FANCB: variants seen among roughly 807,000 people sequenced by gnomAD.
FANCB encodes the protein Fanconi anemia group B protein.
FANCB carries 5 observed loss-of-function variants against 38.9 expected under a neutral mutation model. The observed-to-expected ratio is 0.13, with a 90% CI of 0.07 to 0.27. The LOEUF (loss-of-function observed/expected upper bound fraction) is 0.27. Ranked by LOEUF, FANCB falls within the 10% of genes least tolerant of loss-of-function variation. The probability of loss-of-function intolerance (pLI) is 1.00; values close to 1 mark genes in which losing one functional copy is unlikely to be tolerated. For synonymous variants in FANCB, 236 were observed against 215.4 expected (o/e 1.10, Z -0.84); for missense variants, 573 against 602.7 (o/e 0.95, Z 0.52).
chrX:14,733,481 AT>A, the FANCB span, among the ~76,000 whole-genome samples: 1 of 112,056 alleles, frequency 8.9e-6, no homozygotes, highest in East Asian at 2.8e-4. Context: ...TTTTCATGAT[AT>A]TGACTCTTTC....
At chrX:14,807,441 A>G in the FANCB span, among the ~76,000 whole-genome samples, 5 of 112,579 alleles carry the variant, frequency 4.4e-5, no homozygotes, top group African/African-American at 1.6e-4. Flanking sequence ...GAAATTTGGG[A>G]GTTCAAGGAT....
At chrX:14,802,857 G>A in the FANCB span, among the ~76,000 whole-genome samples, 22 of 111,799 alleles carry the variant, frequency 2.0e-4, no homozygotes, top group African/African-American at 7.1e-4. Context: ...TGTGCCTATA[G>A]GATGTCCAGG....
At chrX:14,756,521 G>T in the FANCB span, among the ~76,000 whole-genome samples, 21 of 111,636 alleles carry the variant, frequency 1.9e-4, no homozygotes, top group South Asian at 7.8e-3. Context: ...ATGGGCAAAA[G>T]ACCTCAATAC....
At chrX:14,717,679 G>T in the FANCB span, among the ~76,000 whole-genome samples, 1 of 100,791 alleles carries the variant, frequency 9.9e-6, no homozygotes, top group Admixed American at 1.1e-4. Context: ...ACTTTATATG[G>T]AGTACATCAT....
At chrX:14,772,274 C>A in the FANCB span, among the ~76,000 whole-genome samples, 1 of 112,097 alleles carries the variant, frequency 8.9e-6, no homozygotes, top group East Asian at 2.8e-4. Context: ...AGGGAGATAT[C>A]AAAGTTCTGT....
chrX:14,731,427 G>T, the FANCB span: 1 of 111,880 alleles, frequency 8.9e-6, no homozygotes, highest in Non-Finnish European at 1.9e-5. Context: ...TATGGAGATG[G>T]TGTGTCCTGA....
chrX:14,870,535 T>C (rs2092491281), intron 1 of FANCB, among the ~76,000 whole-genome samples: 1 of 111,978 alleles, frequency 8.9e-6, no homozygotes, highest in Admixed American at 9.5e-5. Context: ...TCCTGTTCTA[T>C]ATTACCATAC....
rs781315536 is a variant in FANCB, at chrX:14,843,443, C to T, written c.*124G>A. 2.1e-6 allele frequency: 1 copy of T among 480,196 alleles called. No individual in the cohort carries two copies. The highest frequency in any genetic ancestry group is 3.4e-6 in the Non-Finnish European group (1 of 292,740). The allele number at this position is 480,196 out of a possible 1,213,427, so 39.6% of individuals were successfully genotyped here. On this transcript the variant is annotated 3_prime_UTR_variant, in exon 10 of 10. Coordinates refer to ENST00000650831, the MANE Select transcript of FANCB (RefSeq NM_001018113.3). ...CTGTTTATTTTGTGCATCATCAAAA[C>T]TAAAGTTTCTACTACAGTAAGCCTC...
chrX:14,761,169 T>G, the FANCB span, among the ~76,000 whole-genome samples: 5 of 111,548 alleles, frequency 4.5e-5, no homozygotes, highest in South Asian at 1.9e-3. Flanking sequence ...TTATTTTATT[T>G]TTATTTTTTA....
chrX:14,774,968 G>A, the FANCB span, among the ~76,000 whole-genome samples: 6 of 110,135 alleles, frequency 5.4e-5, no homozygotes, highest in Admixed American at 9.6e-5. Context: ...AAGTAGCTGG[G>A]ACTATAAGCG....
At chrX:14,800,987 T>C in the FANCB span, among the ~76,000 whole-genome samples, 5 of 111,580 alleles carry the variant, frequency 4.5e-5, no homozygotes, top group African/African-American at 1.6e-4. Flanking sequence ...GAGCTGATAA[T>C]TGTCAGTCAT....
chrX:14,761,929 G>A, the FANCB span, among the ~76,000 whole-genome samples: 1 of 111,520 alleles, frequency 9.0e-6, no homozygotes, highest in African/African-American at 3.3e-5. Flanking sequence ...GTAGAGTAGG[G>A]AGAATGAAAA....
intron 6 of FANCB, 49 bp from the exon 7 acceptor site, chrX:14,850,723 A>T: frequency 1.2e-6 from 1 of 805,579 alleles, no homozygotes; most frequent in Non-Finnish European, 1.8e-6. Flanking sequence ...TACCGTCTGT[A>T]GCAAAACTAA....
At chrX:14,834,980 C>T, downstream of FANCB, 1 of 684,457 alleles carries the variant, frequency 1.5e-6, no homozygotes, top group Non-Finnish European at 2.4e-6. Flanking sequence ...CTACTAAGTG[C>T]TGTCCACTAA....
At chrX:14,799,458 C>T in the FANCB span, among the ~76,000 whole-genome samples, 6 of 111,934 alleles carry the variant, frequency 5.4e-5, no homozygotes, top group African/African-American at 9.7e-5. Flanking sequence ...AGTTCTGTTT[C>T]GCTGGCAAAC....
intron 5 of FANCB, among the ~76,000 whole-genome samples, chrX:14,853,402 T>C (rs774253268): frequency 3.6e-5 from 4 of 112,228 alleles, no homozygotes; most frequent in Non-Finnish European, 7.5e-5. Flanking sequence ...AGAGCTTATG[T>C]ATCAAATTGA....
the FANCB span, among the ~76,000 whole-genome samples, chrX:14,817,924 C>A: frequency 8.9e-6 from 1 of 111,891 alleles, no homozygotes; most frequent in Non-Finnish European, 1.9e-5. Flanking sequence ...AGTTTGCCAA[C>A]TCCACAGCAA....
rs201281219 is a variant in FANCB, at chrX:14,865,097, A to T, written c.414T>A (p.Asn138Lys). 18 of 1,209,126 alleles carry T rather than the reference A, an allele frequency of 1.5e-5. No homozygotes were observed. The African/African-American group carries it at 3.0e-4, about 20-fold the overall frequency. ...YEMKDGLRVLNGPLILWRHVK... is the reference protein window; with the variant it reads ...YEMKDGLRVLKGPLILWRHVK... ...CATGCCTCCATAAAATTAAAGGGCCATTAAGGACCCTTAGGCCATCCTTCA... is the reference window on the plus strand; with the variant it reads ...CATGCCTCCATAAAATTAAAGGGCCTTTAAGGACCCTTAGGCCATCCTTCA... Residue 138 changes from asparagine to lysine, a missense_variant, in exon 3 of 10, where the codon AAT becomes AAA. By Grantham distance (94) the Asn-to-Lys change is moderately conservative. Coordinates refer to ENST00000650831, the MANE Select transcript of FANCB (RefSeq NM_001018113.3).
the FANCB span, among the ~76,000 whole-genome samples, chrX:14,792,841 A>G: frequency 8.9e-6 from 1 of 111,802 alleles, no homozygotes; most frequent in Admixed American, 9.5e-5. Flanking sequence ...ACAAGTTACC[A>G]TCATTCTTTA....
Sources: allele counts gnomAD v4.1 joint callset (sites outside exome capture counted in the v4.1 genomes callset), GRCh38; gene constraint gnomAD v4.1.1; transcripts MANE v1.5; gene names NCBI Gene and HGNC (gene_info 2026-07-23, HGNC 2026-07-21).